Variants in SSUH2 observed in about 807,000 individuals in gnomAD.
The protein encoded by SSUH2 is ssu-2 homolog, also known as protein SSUH2 homolog.
SSUH2 carries 47 observed loss-of-function variants against 55.3 expected under a neutral mutation model. That is an observed-to-expected ratio of 0.85 (90% CI 0.67 to 1.08). The LOEUF (loss-of-function observed/expected upper bound fraction) is 1.08. Ranked by LOEUF, SSUH2 falls within the 50% of genes least tolerant of loss-of-function variation. SSUH2 has a pLI of 0.00. For synonymous variants in SSUH2, 212 were observed against 191.5 expected (o/e 1.11, Z -0.89); for missense variants, 535 against 490.7 (o/e 1.09, Z -0.85).
chr3:8,631,615 T>A (rs1423712050), intron 5 of SSUH2, among the ~76,000 whole-genome samples: 1 of 151,950 alleles, frequency 6.6e-6, no homozygotes, highest in Non-Finnish European at 1.5e-5. Context: ...AGGACATAGA[T>A]CTTCCCAAAG....
chr3:8,641,571 C>T (rs56889027), intron 1 of SSUH2, among the ~76,000 whole-genome samples: 3,055 of 152,260 alleles, frequency 0.02, 99 homozygotes, highest in African/African-American at 0.07. Flanking sequence ...AAAGTAGATG[C>T]TGTATCTTCC....
chr3:8,645,335 A>T (rs1701539791), upstream of SSUH2, among the ~76,000 whole-genome samples: 1 of 152,124 alleles, frequency 6.6e-6, no homozygotes, highest in African/African-American at 2.4e-5. Flanking sequence ...GCAAAGCCAC[A>T]CGGCACCTCA....
chr3:8,656,045 G>GT (rs148541908), intron 7 of SSUH2, among the ~76,000 whole-genome samples: 1 of 152,240 alleles, frequency 6.6e-6, no homozygotes, highest in East Asian at 1.9e-4. Flanking sequence ...GGTTTGTTCT[G>GT]TTTTTTAATA....
chr3:8,668,011 C>T (rs1223420189), intron 5 of SSUH2, among the ~76,000 whole-genome samples: 1 of 152,056 alleles, frequency 6.6e-6, no homozygotes, highest in Non-Finnish European at 1.5e-5. Flanking sequence ...AACAAGACCC[C>T]ACCTCCTTAC....
intron 4 of SSUH2, chr3:8,671,227 C>G (rs137979773): frequency 0.014 from 2,295 of 164,622 alleles, 29 homozygotes; most frequent in Non-Finnish European, 0.023. Flanking sequence ...TAGAACATTG[C>G]ACGTAACATC....
chr3:8,658,367 G>A (rs1317224784), intron 7 of SSUH2, among the ~76,000 whole-genome samples: 1 of 152,162 alleles, frequency 6.6e-6, no homozygotes, highest in Admixed American at 6.5e-5. Context: ...GGAGAAAGAG[G>A]GGGTACTCTG....
At chr3:8,665,700 A>G (rs1200267939) in intron 5 of SSUH2, among the ~76,000 whole-genome samples, 1 of 152,142 alleles carries the variant, frequency 6.6e-6, no homozygotes, top group Non-Finnish European at 1.5e-5. Flanking sequence ...GTCACTTCAA[A>G]CGTCTTAACA....
chr3:8,624,897 G>T (rs536435838), intron 10 of SSUH2, among the ~76,000 whole-genome samples: 1 of 152,150 alleles, frequency 6.6e-6, no homozygotes, highest in Non-Finnish European at 1.5e-5. Flanking sequence ...CTGCCCCACT[G>T]TCCCCTCGCT....
intron 3 of SSUH2, among the ~76,000 whole-genome samples, chr3:8,672,285 AG>A (rs1704670063): frequency 6.6e-6 from 1 of 151,974 alleles, no homozygotes; most frequent in African/African-American, 2.4e-5. Flanking sequence ...ACCATATCAC[AG>A]GGGGGCTGTA....
At chr3:8,640,918 G>T (rs1308700958) in intron 1 of SSUH2, among the ~76,000 whole-genome samples, 1 of 152,194 alleles carries the variant, frequency 6.6e-6, no homozygotes, top group Non-Finnish European at 1.5e-5. Flanking sequence ...TCAATTATTT[G>T]AAATATGAAA....
chr3:8,623,483 A>G (rs1696870971), intron 11 of SSUH2, 66 bp downstream of exon 11: 1 of 987,498 alleles, frequency 1.0e-6, no homozygotes, highest in Non-Finnish European at 1.6e-6. Flanking sequence ...CGACGTTCTC[A>G]GGAAAGAGGG....
At chr3:8,647,862 G>A (rs952377569), upstream of SSUH2, among the ~76,000 whole-genome samples, 1 of 152,342 alleles carries the variant, frequency 6.6e-6, no homozygotes. Flanking sequence ...TCTGCAGGCT[G>A]GGTGGATGGA....
intron 5 of SSUH2, among the ~76,000 whole-genome samples, chr3:8,670,725 T>C (rs573798587): frequency 6.6e-6 from 1 of 152,068 alleles, no homozygotes; most frequent in Admixed American, 6.5e-5. Context: ...TCACAAACAA[T>C]ATCACAGGGT....
At chr3:8,652,702 T>C (rs1702547858) in intron 7 of SSUH2, among the ~76,000 whole-genome samples, 1 of 152,250 alleles carries the variant, frequency 6.6e-6, no homozygotes, top group Non-Finnish European at 1.5e-5. Flanking sequence ...TCGAGTTTTA[T>C]GTATACAGTT....
intron 7 of SSUH2, among the ~76,000 whole-genome samples, chr3:8,653,598 A>G (rs1304279269): frequency 6.6e-6 from 1 of 152,224 alleles, no homozygotes; most frequent in Non-Finnish European, 1.5e-5. Flanking sequence ...TTAGCACACA[A>G]TCCGGTTTAA....
chr3:8,646,419 T>C (rs73812744), upstream of SSUH2, among the ~76,000 whole-genome samples: 2,800 of 152,204 alleles, frequency 0.018, 95 homozygotes, highest in African/African-American at 0.064. Context: ...TTGAACAAAA[T>C]GTTGAAGAGA....
At chr3:8,630,419 C>T (rs964047073) in intron 6 of SSUH2, among the ~76,000 whole-genome samples, 6 of 152,194 alleles carry the variant, frequency 3.9e-5, no homozygotes, top group African/African-American at 1.4e-4. Context: ...GACTCTCATG[C>T]AAAATCCCAG....
At chr3:8,643,759 A>G (rs1234331418) in intron 1 of SSUH2, among the ~76,000 whole-genome samples, 1 of 152,248 alleles carries the variant, frequency 6.6e-6, no homozygotes, top group Non-Finnish European at 1.5e-5. Flanking sequence ...GATTCAAATG[A>G]AAGCTATAGA....
rs147358215 is a variant in SSUH2, at chr3:8,632,382, T to C, written c.340-273A>G. ...CCCATGAATTTATACAAAGATTCTA[T>C]GAGACAAGCTTCAGAGCAGTAGCTG... On this transcript the variant is annotated intron_variant, in intron 4 of 11. Coordinates refer to ENST00000544814, the MANE Select transcript of SSUH2 (RefSeq NM_001256748.3). Among the ~76,000 whole-genome samples the C allele has an allele frequency of 3.7e-3, 558 of 152,342 alleles. 2 individuals are homozygous for C. The highest frequency in any genetic ancestry group is 5.9e-3 in the Non-Finnish European group (400 of 68,022).
Sources: allele counts gnomAD v4.1 joint callset (sites outside exome capture counted in the v4.1 genomes callset), GRCh38; gene constraint gnomAD v4.1.1; transcripts MANE v1.5; gene names NCBI Gene and HGNC (gene_info 2026-07-23, HGNC 2026-07-21).